The following ENOX2 variants were observed in gnomAD, a reference collection of about 807,000 sequenced individuals.
ENOX2 encodes the protein ecto-NOX disulfide-thiol exchanger 2.
Under a neutral mutation model 45.0 loss-of-function variants are expected in ENOX2, and 36 were observed. The observed-to-expected ratio is 0.80, with a 90% CI of 0.61 to 1.06. The LOEUF (loss-of-function observed/expected upper bound fraction) is 1.06. Ranked by LOEUF, ENOX2 falls within the 50% of genes least tolerant of loss-of-function variation. The pLI is 0.00. For missense variants in ENOX2, 423 were observed against 462.5 expected, an observed-to-expected ratio of 0.91 and a Z score of 0.78; for synonymous variants, 174 against 152.3, an observed-to-expected ratio of 1.14 and a Z score of -1.05.
At chrX:130,789,093 A>G (rs969094468) in intron 2 of ENOX2, among the ~76,000 whole-genome samples, 1 of 111,565 alleles carries the variant, frequency 9.0e-6, no homozygotes, top group African/African-American at 3.3e-5. Context: ...GTAGAATGAC[A>G]TTTCTCATCT....
chrX:130,783,663 G>A lies in ENOX2; in HGVS notation c.-155C>T, dbSNP rs1481202947. The A allele has an allele frequency of 3.1e-6, 1 of 323,858 alleles. No individual in the cohort carries two copies. Among genetic ancestry groups the A allele is most frequent in the Admixed American group, 3.2e-5 (1 of 30,893 alleles). The allele number at this position is 323,858 out of a possible 1,213,427, so 26.7% of individuals were successfully genotyped here. A position where few individuals can be genotyped will look rare whatever the true frequency, so the allele number is the denominator to read the frequency against. ...AAACTGCAGGGGCTCGTTGTTGTTAGCAGGGTCAAAGGGCAGCTGGTTCAA... is the reference window on the plus strand; with the variant it reads ...AAACTGCAGGGGCTCGTTGTTGTTAACAGGGTCAAAGGGCAGCTGGTTCAA... On this transcript the variant is annotated 5_prime_UTR_variant, in exon 3 of 15. Coordinates refer to ENST00000394363, the MANE Select transcript of ENOX2 (RefSeq NM_006375.4).
intron 2 of ENOX2, among the ~76,000 whole-genome samples, chrX:130,844,403 GGAAAGA>G (rs1030584754): frequency 3.6e-5 from 4 of 111,206 alleles, no homozygotes; most frequent in South Asian, 3.8e-4. Context: ...AGAGAGAAAG[GGAAAGA>G]GAAAGAGAAG....
chrX:130,821,715 TAAATAAATAA>T, intron 2 of ENOX2, among the ~76,000 whole-genome samples: 1 of 21,170 alleles, frequency 4.7e-5, no homozygotes, highest in East Asian at 1.0e-3. Flanking sequence ...AAAAAAAAAA[TAAATAAATAA>T]AAATAAATAA....
intron 9 of ENOX2, among the ~76,000 whole-genome samples, chrX:130,665,103 A>G (rs2036796173): frequency 8.9e-6 from 1 of 112,273 alleles, no homozygotes; most frequent in African/African-American, 3.2e-5. Context: ...TATGCTAAAA[A>G]TGTCACTTGA....
At chrX:130,705,246 C>G (rs1224480286) in intron 3 of ENOX2, among the ~76,000 whole-genome samples, 1 of 111,661 alleles carries the variant, frequency 9.0e-6, no homozygotes, top group East Asian at 2.8e-4. Context: ...ATTGGTTCTG[C>G]AGTCATGAGA....
At chrX:130,696,214 T>C (rs1178307441) in intron 4 of ENOX2, among the ~76,000 whole-genome samples, 1 of 111,947 alleles carries the variant, frequency 8.9e-6, no homozygotes, top group Non-Finnish European at 1.9e-5. Context: ...CAGTGGAGCT[T>C]TATTCCTTTA....
intron 2 of ENOX2, among the ~76,000 whole-genome samples, chrX:130,894,186 G>C (rs866926221): frequency 1.8e-5 from 2 of 111,172 alleles, no homozygotes; most frequent in African/African-American, 6.5e-5. Flanking sequence ...ACCTCTCAAA[G>C]ACTGCCAAAT....
rs1316598222 is a variant in ENOX2, at chrX:130,623,444, C to CAAGTG, written c.*1869_*1870insCACTT. 1 of 110,399 alleles carries CAAGTG rather than the reference C, an allele frequency of 9.1e-6. No individual in the cohort carries two copies. Among genetic ancestry groups the CAAGTG allele is most frequent in the East Asian group, 2.8e-4 (1 of 3,559 alleles). The allele number at this position is 110,399 out of a possible 1,213,427, so 9.1% of individuals were successfully genotyped here. On this transcript the variant is annotated 3_prime_UTR_variant, in exon 15 of 15. Coordinates refer to ENST00000394363, the MANE Select transcript of ENOX2 (RefSeq NM_006375.4). ...GGTTTGTTACATAGGTGAACGTGTG[C>CAAGTG]CATGGTGGTTTTGCTGCACCTCAAC... is the stretch of plus-strand genomic sequence containing the variant.
chrX:130,634,683 A>G (rs1228362368), intron 12 of ENOX2, among the ~76,000 whole-genome samples: 1 of 111,699 alleles, frequency 9.0e-6, no homozygotes, highest in Non-Finnish European at 1.9e-5. Context: ...GACAAGATGA[A>G]GCAGGGAAGA....
intron 2 of ENOX2, among the ~76,000 whole-genome samples, chrX:130,810,203 G>T (rs1045612103): frequency 9.0e-6 from 1 of 110,747 alleles, no homozygotes; most frequent in African/African-American, 3.3e-5. Flanking sequence ...AAATCCCACT[G>T]CTGGGCAGGC....
intron 3 of ENOX2, among the ~76,000 whole-genome samples, chrX:130,750,200 T>A (rs1040513405): frequency 8.9e-6 from 1 of 112,040 alleles, no homozygotes; most frequent in East Asian, 2.8e-4. Flanking sequence ...TTGGTTGGTC[T>A]GCCTGGTGCT....
chrX:130,878,146 T>G (rs1158708647), intron 2 of ENOX2, among the ~76,000 whole-genome samples: 2 of 112,175 alleles, frequency 1.8e-5, no homozygotes, highest in Non-Finnish European at 3.8e-5. Flanking sequence ...TTGCCTTAGA[T>G]CATATTCCAT....
intron 2 of ENOX2, among the ~76,000 whole-genome samples, chrX:130,844,291 C>T (rs145325318): frequency 8.9e-6 from 1 of 111,980 alleles, no homozygotes; most frequent in African/African-American, 3.3e-5. Context: ...CCTACTCCCC[C>T]CTTGCCTGTC....
intron 3 of ENOX2, among the ~76,000 whole-genome samples, chrX:130,747,849 T>C (rs911906764): frequency 1.8e-5 from 2 of 112,521 alleles, no homozygotes; most frequent in Non-Finnish European, 3.8e-5. Flanking sequence ...TTGGAGTCTC[T>C]GGTGTCTTTG....
At chrX:130,792,076 A>C (rs985119575) in intron 2 of ENOX2, among the ~76,000 whole-genome samples, 4 of 112,488 alleles carry the variant, frequency 3.6e-5, no homozygotes, top group Admixed American at 2.8e-4. Context: ...CAGCCATAAA[A>C]AAGAATGAGA....
chrX:130,866,366 C>A (rs1016986442), intron 2 of ENOX2, among the ~76,000 whole-genome samples: 3 of 112,004 alleles, frequency 2.7e-5, no homozygotes, highest in African/African-American at 9.7e-5. Flanking sequence ...ATGTCATCAT[C>A]CTGAATCAGG....
intron 3 of ENOX2, among the ~76,000 whole-genome samples, chrX:130,726,618 C>T (rs1014062959): frequency 1.8e-5 from 2 of 112,486 alleles, no homozygotes; most frequent in African/African-American, 6.5e-5. Flanking sequence ...TTGGCCTGCA[C>T]TCTGCCAGGG....
At chrX:130,662,559 T>C (rs1475931133) in intron 9 of ENOX2, among the ~76,000 whole-genome samples, 4 of 111,936 alleles carry the variant, frequency 3.6e-5, no homozygotes, top group Non-Finnish European at 7.5e-5. Flanking sequence ...TTTGAGATGT[T>C]CTGATTTTCA....
At chrX:130,887,907 A>C (rs1011461856) in intron 2 of ENOX2, among the ~76,000 whole-genome samples, 22 of 112,134 alleles carry the variant, frequency 2.0e-4, no homozygotes, top group Non-Finnish European at 1.9e-5. Flanking sequence ...TTCCTGAGAA[A>C]TCAACATTCA....
Sources: allele counts gnomAD v4.1 joint callset (sites outside exome capture counted in the v4.1 genomes callset), GRCh38; gene constraint gnomAD v4.1.1; transcripts MANE v1.5; gene names NCBI Gene and HGNC (gene_info 2026-07-23, HGNC 2026-07-21).